The following KMT5B variants were observed in gnomAD, a reference collection of about 807,000 sequenced individuals.
KMT5B encodes lysine methyltransferase 5B, also known as histone-lysine N-methyltransferase KMT5B.
A neutral mutation model predicts 83.2 loss-of-function variants in KMT5B; 10 were observed. The observed-to-expected ratio is 0.12, with a 90% CI of 0.07 to 0.20. KMT5B has a LOEUF of 0.20. KMT5B is among the 10% of genes least tolerant of loss of function. The pLI is 1.00. For synonymous variants in KMT5B, 349 were observed against 388.8 expected, an observed-to-expected ratio of 0.90 and a Z score of 1.20; for missense variants, 753 against 1,067.2, an observed-to-expected ratio of 0.71 and a Z score of 4.10.
Position 68,167,235 on chromosome 11 carries a change from T to C in KMT5B, c.978-57A>G, listed in dbSNP as rs1250194016. ...TAGAACACACTTTCTTATAATAAGCTTAACTGCTGAGGGTACTTGGCTACA... is the reference window on the plus strand; with the variant it reads ...TAGAACACACTTTCTTATAATAAGCCTAACTGCTGAGGGTACTTGGCTACA... On this transcript the variant is annotated intron_variant, in intron 9 of 10. Coordinates refer to ENST00000304363, the MANE Select transcript of KMT5B (RefSeq NM_017635.5). The C allele has an allele frequency of 2.0e-6, 3 of 1,538,202 alleles. No individual in the cohort carries two copies. In the East Asian group the frequency reaches 7.3e-5, roughly 38 times the overall value.
chr11:68,194,657 T>A (rs577514653), intron 1 of KMT5B, among the ~76,000 whole-genome samples: 2 of 152,326 alleles, frequency 1.3e-5, no homozygotes, highest in South Asian at 4.1e-4. Flanking sequence ...CTAAAATCCG[T>A]GACTACATTC....
At chr11:68,174,084 G>A in intron 5 of KMT5B, 171 bp from the exon 6 acceptor site, 1 of 663,498 alleles carries the variant, frequency 1.5e-6, no homozygotes, top group Non-Finnish European at 2.8e-6. Context: ...ATGATGGCAT[G>A]TACCTTTAGT....
intron 1 of KMT5B, among the ~76,000 whole-genome samples, chr11:68,195,188 G>T (rs1858560960): frequency 6.6e-6 from 1 of 151,974 alleles, no homozygotes; most frequent in Non-Finnish European, 1.5e-5. Flanking sequence ...TGATGAAGTG[G>T]TAAATTTATA....
At chr11:68,183,296 C>T (rs754016596) in intron 3 of KMT5B, among the ~76,000 whole-genome samples, 9 of 151,122 alleles carry the variant, frequency 6.0e-5, no homozygotes, top group Non-Finnish European at 1.3e-4. Flanking sequence ...AGAATGAGCA[C>T]TGGTCTCATG....
intron 4 of KMT5B, 136 bp from the exon 5 acceptor site, chr11:68,175,319 A>G (rs974457329): frequency 8.1e-6 from 5 of 617,686 alleles, no homozygotes; most frequent in Non-Finnish European, 1.4e-5. Context: ...AGAGAAGAGA[A>G]CAACAATCAA....
chr11:68,197,405 A>T (rs1466954610), intron 1 of KMT5B, among the ~76,000 whole-genome samples: 1 of 152,252 alleles, frequency 6.6e-6, no homozygotes, highest in Admixed American at 6.5e-5. Flanking sequence ...CAATCGCTCT[A>T]ATTTACTTAT....
intron 1 of KMT5B, among the ~76,000 whole-genome samples, chr11:68,205,116 G>T (rs1369682658): frequency 6.6e-6 from 1 of 151,622 alleles, no homozygotes; most frequent in Non-Finnish European, 1.5e-5. Context: ...TTAAAAGACT[G>T]GGCAACAAAG....
At chr11:68,191,586 G>A (rs1858076238) in intron 1 of KMT5B, among the ~76,000 whole-genome samples, 1 of 152,106 alleles carries the variant, frequency 6.6e-6, no homozygotes. Context: ...CACCTGCCTT[G>A]GCCTCCGAAA....
chr11:68,199,713 T>G (rs1049180835), intron 1 of KMT5B, among the ~76,000 whole-genome samples: 2 of 152,194 alleles, frequency 1.3e-5, no homozygotes, highest in African/African-American at 2.4e-5. Flanking sequence ...GGAGACGTTA[T>G]TAGTAGTAGT....
At position 68,157,648 on chromosome 11, in the gene KMT5B, C is replaced by A. The variant is rs1004111343; in HGVS notation, c.*40G>T. The A allele has an allele frequency of 2.0e-6, 3 of 1,498,712 alleles. No homozygotes were observed. The highest frequency in any genetic ancestry group is 2.9e-5 in the South Asian group (2 of 69,580). The allele number at this position is 1,498,712 out of a possible 1,614,324, so 92.8% of individuals were successfully genotyped here. ...AATAATTGACTGGAATTTTTTATTT[C>A]TTTAAAGTAGTTATCCCAGGTCAAG... On this transcript the variant is annotated 3_prime_UTR_variant, in exon 11 of 11. Transcript: ENST00000304363.
At chr11:68,178,015 G>C (rs895728348) in intron 4 of KMT5B, among the ~76,000 whole-genome samples, 4 of 152,180 alleles carry the variant, frequency 2.6e-5, no homozygotes, top group Non-Finnish European at 5.9e-5. Flanking sequence ...GACCTGTCGA[G>C]CAATATGAAA....
intron 3 of KMT5B, among the ~76,000 whole-genome samples, chr11:68,185,552 A>T (rs1432896593): frequency 6.6e-6 from 1 of 152,238 alleles, no homozygotes; most frequent in Non-Finnish European, 1.5e-5. Context: ...CTCCAGCTTT[A>T]TACGTTAATA....
chr11:68,197,442 T>C (rs183931791), intron 1 of KMT5B, among the ~76,000 whole-genome samples: 20 of 152,282 alleles, frequency 1.3e-4, no homozygotes, highest in Admixed American at 9.2e-4. Context: ...GGGCAAAGAA[T>C]AGATACAAAA....
At chr11:68,210,010 G>A (rs2153093027) in intron 1 of KMT5B, among the ~76,000 whole-genome samples, 1 of 152,164 alleles carries the variant, frequency 6.6e-6, no homozygotes, top group Non-Finnish European at 1.5e-5. Context: ...GGGACTACAG[G>A]CTAATTTTTG....
intron 1 of KMT5B, among the ~76,000 whole-genome samples, chr11:68,193,903 C>A (rs1040963646): frequency 6.6e-5 from 10 of 151,090 alleles, no homozygotes; most frequent in African/African-American, 2.4e-4. Context: ...TAGGCTCAAG[C>A]AATCCTCCAC....
At chr11:68,159,211 C>T (rs767508956) in intron 10 of KMT5B, 40 bp from the exon 11 acceptor site, 18 of 1,510,688 alleles carry the variant, frequency 1.2e-5, no homozygotes, top group Non-Finnish European at 1.4e-5. Flanking sequence ...GCCTTGGTAA[C>T]AGCAGAGTTC....
intron 1 of KMT5B, among the ~76,000 whole-genome samples, chr11:68,192,216 C>T (rs187377459): frequency 1.4e-4 from 21 of 152,258 alleles, no homozygotes; most frequent in Non-Finnish European, 2.6e-4. Context: ...GATATCTGCA[C>T]GATAACAAAA....
intron 9 of KMT5B, among the ~76,000 whole-genome samples, chr11:68,170,409 G>GC (rs1400422674): frequency 6.6e-6 from 1 of 152,164 alleles, no homozygotes; most frequent in Non-Finnish European, 1.5e-5. Context: ...TCTTCCTGCA[G>GC]CCCTTGCCTG....
At chr11:68,168,234 T>C (rs1315352907) in intron 9 of KMT5B, among the ~76,000 whole-genome samples, 1 of 152,152 alleles carries the variant, frequency 6.6e-6, no homozygotes, top group Admixed American at 6.5e-5. Context: ...TTTATGGCCA[T>C]TTTTTTCCTG....
Sources: gnomAD v4.1 joint callset for allele counts (sites outside exome capture counted in the v4.1 genomes callset) on GRCh38, gnomAD v4.1.1 for gene constraint, MANE v1.5 for transcripts, NCBI Gene and HGNC (gene_info 2026-07-23, HGNC 2026-07-21) for gene names.